The following GABRA5 variants were observed in gnomAD, a reference collection of about 807,000 sequenced individuals.
GABRA5 encodes the protein gamma-aminobutyric acid type A receptor subunit alpha5, also known as gamma-aminobutyric acid receptor subunit alpha-5.
Under a neutral mutation model 47.3 loss-of-function variants are expected in GABRA5, and 18 were observed. The ratio of observed to expected loss-of-function variants is 0.38; its 90% confidence interval spans 0.26 to 0.56. GABRA5 has a LOEUF of 0.56. GABRA5 is among the 20% of genes least tolerant of loss of function. The pLI, the probability that GABRA5 is intolerant of heterozygous loss-of-function variation, is 0.71. For synonymous variants in GABRA5, 237 were observed against 229.3 expected, an observed-to-expected ratio of 1.03 and a Z score of -0.30; for missense variants, 365 against 599.3, an observed-to-expected ratio of 0.61 and a Z score of 4.08.
Position 26,869,225 on chromosome 15 carries a change from C to G in GABRA5, c.-24C>G, listed in dbSNP as rs766280707. The G allele has an allele frequency of 4.3e-6, 6 of 1,399,828 alleles. No homozygotes were observed. Among genetic ancestry groups the G allele is most frequent in the Non-Finnish European group, 6.1e-6 (6 of 984,626 alleles). 86.7% of individuals were successfully genotyped at this position (1,399,828 alleles called of 1,614,324 possible). On this transcript the variant is annotated 5_prime_UTR_variant, in exon 3 of 11. Coordinates refer to ENST00000335625, the MANE Select transcript of GABRA5 (RefSeq NM_000810.4). ...AGAGTTATTCCTCCATATTCACCTG[C>G]TTCAACTACTATTCTTATTGGGAAT...
intron 6 of GABRA5, among the ~76,000 whole-genome samples, chr15:26,892,517 T>TA (rs563922382): frequency 1.3e-5 from 2 of 152,240 alleles, no homozygotes; most frequent in Non-Finnish European, 2.9e-5. Flanking sequence ...CAAGGCAAGT[T>TA]AGAGTATTTA....
At chr15:26,882,793 G>A (rs1411183398) in intron 4 of GABRA5, among the ~76,000 whole-genome samples, 1 of 152,062 alleles carries the variant, frequency 6.6e-6, no homozygotes, top group African/African-American at 2.4e-5. Flanking sequence ...CTGTGGCGAC[G>A]GCGTGGCCCT....
intron 3 of GABRA5, among the ~76,000 whole-genome samples, chr15:26,873,401 A>T (rs183727826): frequency 5.4e-4 from 82 of 152,190 alleles, no homozygotes; most frequent in African/African-American, 1.8e-3. Context: ...ATTGATAAAA[A>T]AATCTGTTGA....
At chr15:26,947,126 A>C (rs1332103823) in intron 10 of GABRA5, among the ~76,000 whole-genome samples, 1 of 152,202 alleles carries the variant, frequency 6.6e-6, no homozygotes, top group Non-Finnish European at 1.5e-5. Flanking sequence ...CCGCTGGTGC[A>C]CTTGAAGGTA....
chr15:26,923,772 T>C (rs1893893691), intron 7 of GABRA5, among the ~76,000 whole-genome samples: 1 of 152,204 alleles, frequency 6.6e-6, no homozygotes. Flanking sequence ...TCATCTACTT[T>C]CTTTCTGTTT....
At chr15:26,885,919 C>T (rs1166453578) in intron 6 of GABRA5, among the ~76,000 whole-genome samples, 5 of 152,260 alleles carry the variant, frequency 3.3e-5, no homozygotes, top group East Asian at 3.9e-4. Flanking sequence ...TGGTCCTCGT[C>T]GGACTAGTGT....
chr15:26,894,148 C>G (rs1012983000), intron 6 of GABRA5, among the ~76,000 whole-genome samples: 1 of 152,132 alleles, frequency 6.6e-6, no homozygotes, highest in Non-Finnish European at 1.5e-5. Flanking sequence ...CGGCGCCGGA[C>G]CTGGGCCCGG....
At chr15:26,943,621 G>A (rs1377810525) in intron 10 of GABRA5, among the ~76,000 whole-genome samples, 195 bp downstream of exon 10, 1 of 152,214 alleles carries the variant, frequency 6.6e-6, no homozygotes, top group Non-Finnish European at 1.5e-5. Context: ...GCGATGGGGT[G>A]TGAATGGCTT....
chr15:26,925,514 G>C (rs1455763790), intron 7 of GABRA5, among the ~76,000 whole-genome samples: 4 of 152,070 alleles, frequency 2.6e-5, no homozygotes, highest in Admixed American at 2.0e-4. Context: ...AGGATTTACT[G>C]TTAGTTTTTT....
intron 6 of GABRA5, among the ~76,000 whole-genome samples, chr15:26,913,587 T>C (rs578013918): frequency 6.6e-6 from 1 of 152,348 alleles, no homozygotes; most frequent in Admixed American, 6.5e-5. Context: ...TAACCTTGAA[T>C]TATTATTTGC....
chr15:26,901,205 G>T (rs190842084), intron 6 of GABRA5, among the ~76,000 whole-genome samples: 53 of 152,144 alleles, frequency 3.5e-4, no homozygotes, highest in Admixed American at 1.7e-3. Context: ...TACAGTAAGG[G>T]TTTGTTTAGT....
intron 7 of GABRA5, among the ~76,000 whole-genome samples, chr15:26,920,514 CAGTA>C (rs1480145259): frequency 6.6e-6 from 1 of 152,050 alleles, no homozygotes; most frequent in African/African-American, 2.4e-5. Flanking sequence ...ATATTGTTTT[CAGTA>C]AGTATCTCTA....
chr15:26,919,312 A>G (rs546171751), intron 7 of GABRA5, among the ~76,000 whole-genome samples: 11 of 151,648 alleles, frequency 7.3e-5, no homozygotes, highest in Non-Finnish European at 1.6e-4. Flanking sequence ...TCTTTTATCT[A>G]TTGCTCCTCT....
At chr15:26,941,600 G>A (rs1469495628) in intron 9 of GABRA5, among the ~76,000 whole-genome samples, 1 of 152,130 alleles carries the variant, frequency 6.6e-6, no homozygotes, top group African/African-American at 2.4e-5. Context: ...TGGGACTGCC[G>A]TAACCAAGTC....
At chr15:26,917,007 A>G (rs1039351101) in intron 7 of GABRA5, among the ~76,000 whole-genome samples, 2 of 152,094 alleles carry the variant, frequency 1.3e-5, no homozygotes, top group Admixed American at 6.6e-5. Flanking sequence ...AGATGATGTC[A>G]TCTATAGATA....
intron 7 of GABRA5, among the ~76,000 whole-genome samples, chr15:26,930,011 T>C (rs1474855363): frequency 8.0e-5 from 12 of 149,096 alleles, no homozygotes; most frequent in South Asian, 4.2e-4. Flanking sequence ...TTCTTCTTTT[T>C]TTTTTTTTTT....
At chr15:26,902,241 G>A (rs969519159) in intron 6 of GABRA5, among the ~76,000 whole-genome samples, 2 of 152,062 alleles carry the variant, frequency 1.3e-5, no homozygotes, top group African/African-American at 4.8e-5. Context: ...GAGAGGAACT[G>A]AAATCTTGAC....
intron 3 of GABRA5, among the ~76,000 whole-genome samples, chr15:26,879,506 G>C (rs936170880): frequency 1.6e-4 from 24 of 152,138 alleles, no homozygotes; most frequent in Non-Finnish European, 2.4e-4. Flanking sequence ...GTACTAACAG[G>C]AGTGAATTTT....
chr15:26,870,498 A>C (rs1395496155), intron 3 of GABRA5, among the ~76,000 whole-genome samples: 1 of 152,188 alleles, frequency 6.6e-6, no homozygotes, highest in Non-Finnish European at 1.5e-5. Context: ...AACAGAAGCC[A>C]GGCAGTGTGT....
Sources: allele counts gnomAD v4.1 joint callset (sites outside exome capture counted in the v4.1 genomes callset), GRCh38; gene constraint gnomAD v4.1.1; transcripts MANE v1.5; gene names NCBI Gene and HGNC (gene_info 2026-07-23, HGNC 2026-07-21).